Variants in PDXDC1 observed in about 807,000 individuals in gnomAD.
PDXDC1 encodes the protein pyridoxal-dependent decarboxylase domain-containing protein 1.
A neutral mutation model predicts 100.1 loss-of-function variants in PDXDC1; 42 were observed. The ratio of observed to expected loss-of-function variants is 0.42; its 90% CI spans 0.33 to 0.54. The LOEUF is 0.54. Among genes scored for constraint, PDXDC1 ranks in the 20% least tolerant of loss-of-function variants. The pLI, the probability that PDXDC1 is intolerant of heterozygous loss-of-function variation, is 0.10. For missense variants in PDXDC1, 636 were observed against 979.2 expected (o/e 0.65, Z 4.68); for synonymous variants, 260 against 371.7 (o/e 0.70, Z 3.46).
At chr16:15,035,240 T>G (rs2043338220) in intron 21 of PDXDC1, among the ~76,000 whole-genome samples, 1 of 152,220 alleles carries the variant, frequency 6.6e-6, no homozygotes, top group African/African-American at 2.4e-5. Context: ...GCTTACGCCA[T>G]ACTGCTGGCG....
At chr16:15,108,191 A>C (rs1366444987) in intron 16 of PDXDC1, 1 of 875,204 alleles carries the variant, frequency 1.1e-6, no homozygotes, top group African/African-American at 1.8e-5. Flanking sequence ...AGGGCAGAAA[A>C]AGGAAATGGC....
intron 1 of PDXDC1, among the ~76,000 whole-genome samples, chr16:14,983,352 C>T (rs1471568186): frequency 1.3e-5 from 2 of 152,242 alleles, no homozygotes; most frequent in Non-Finnish European, 2.9e-5. Context: ...GCGGGCAGAT[C>T]ATGAGGTCAG....
rs755906899 is a variant in PDXDC1, at chr16:15,094,224, G to A, written c.1400-44655G>A. The A allele has an allele frequency of 3.1e-6, 5 of 1,590,834 alleles. No individual in the cohort carries two copies. The Admixed American group carries it at 5.3e-5, about 17-fold the overall frequency. ...CCCGGCAAACGCGTGTGAAGCAGCG[G>A]TGCCGCCATTGGGCCGAACTAACGC... On this transcript the variant is annotated intron_variant, in intron 16 of 16. Transcript: ENST00000535621.
chr16:15,029,408 G>C (rs2042885026), intron 15 of PDXDC1: 1 of 416,784 alleles, frequency 2.4e-6, no homozygotes, highest in Non-Finnish European at 4.1e-6. Context: ...AACAGTGTGG[G>C]ATGGCGGCAG....
chr16:15,036,105 G>C lies in PDXDC1; in HGVS notation c.2197G>C (p.Glu733Gln), dbSNP rs147143881. ...TCACATTGAAGACTTAGAAAAGGTG[G>C]AGCGCCTATCCAGTGGGCCGGAGCA... ...VSHIEDLEKV[E>Q]RLSSGPEQIT... Residue 733 changes from glutamate (E) to glutamine (Q), a missense_variant, in exon 23 of 23, where the codon GAG becomes CAG. Physicochemically the swap from Glu to Gln is conservative, Grantham distance 29. Transcript: ENST00000396410. 109 of 1,614,112 alleles carry C rather than the reference G, an allele frequency of 6.8e-5. No individual in the cohort carries two copies. The African/African-American group carries it at 1.3e-3, about 19-fold the overall frequency.
intron 16 of PDXDC1, chr16:15,044,950 A>C (rs1009362674): frequency 6.6e-6 from 1 of 152,650 alleles, no homozygotes; most frequent in Middle Eastern, 3.4e-3. Flanking sequence ...GTAAAACTCC[A>C]TCTCTACTAA....
downstream of PDXDC1, among the ~76,000 whole-genome samples, chr16:15,142,041 A>G (rs2048483826): frequency 1.3e-5 from 2 of 152,192 alleles, no homozygotes; most frequent in African/African-American, 4.8e-5. Context: ...GAAGGGACAC[A>G]GCTGTGAAAC....
chr16:15,041,506 C>T, downstream of PDXDC1: 1 of 788,470 alleles, frequency 1.3e-6, no homozygotes, highest in Non-Finnish European at 2.3e-6. Context: ...AGAGCCGGAA[C>T]AGATGGTGGC....
At position 15,038,314 on chromosome 16, in the gene PDXDC1, A is replaced by G; in HGVS notation, c.*2039A>G. 1.2e-6 allele frequency: 1 copy of G among 821,474 alleles called. No homozygotes were observed. The highest frequency in any genetic ancestry group is 1.9e-5 in the South Asian group (1 of 52,002). The allele number at this position is 821,474 out of a possible 1,614,324, so 50.9% of individuals were successfully genotyped here. ...GTTCTTGGACACAAATATATATAAT[A>G]AAATACGTTAAGAAATGAGGTGGCC... is the stretch of plus-strand genomic sequence containing the variant. On this transcript the variant is annotated 3_prime_UTR_variant, in exon 23 of 23. Transcript: ENST00000396410.
intron 16 of PDXDC1, among the ~76,000 whole-genome samples, chr16:15,093,637 C>T (rs1161245272): frequency 3.3e-5 from 5 of 152,186 alleles, no homozygotes; most frequent in Admixed American, 3.3e-4. Context: ...AAAAACATAG[C>T]ATCCTAATGA....
chr16:15,051,541 C>T lies in PDXDC1; in HGVS notation c.1399+21485C>T, dbSNP rs539376446. Among the ~76,000 whole-genome samples, 37 of 151,854 alleles carry T rather than the reference C, an allele frequency of 2.4e-4. 1 individual carries two copies. The East Asian group carries it at 7.2e-3, about 30-fold the overall frequency. ...TTTGTACTGTTTGTAGAGATGGGGT[C>T]TCCCTGTGTTGCCCAGGCTGGTCTC... On this transcript the variant is annotated intron_variant, in intron 16 of 16. Coordinates refer to the PDXDC1 transcript ENST00000535621.
chr16:15,054,648 C>G (rs903151255), intron 16 of PDXDC1, among the ~76,000 whole-genome samples: 1 of 152,160 alleles, frequency 6.6e-6, no homozygotes, highest in Non-Finnish European at 1.5e-5. Flanking sequence ...GCCTTCTCCC[C>G]GTCAGTAAGT....
chr16:15,028,105 C>T (rs1236837075), intron 14 of PDXDC1, among the ~76,000 whole-genome samples: 2 of 152,404 alleles, frequency 1.3e-5, no homozygotes, highest in Admixed American at 1.3e-4. Context: ...ATGAGGCCTG[C>T]ACACTCTGCC....
At position 15,137,660 on chromosome 16, in the gene PDXDC1, C is replaced by T. The variant is rs564155573; in HGVS notation, c.1400-1219C>T. On this transcript the variant is annotated intron_variant, in intron 16 of 16. Transcript: ENST00000535621. Reference sequence around the variant, plus strand: ...GTTCCCTTGGCCCGGAGCCCCCCCCCAGAGAGGCCTTCCTGAGCCCTGCCC... The same window carrying T: ...GTTCCCTTGGCCCGGAGCCCCCCCCTAGAGAGGCCTTCCTGAGCCCTGCCC... 4.5e-5 allele frequency: 57 copies of T among 1,261,298 alleles called. No homozygotes were observed. In the Admixed American group the frequency reaches 4.7e-4, roughly 10 times the overall value. 78.1% of individuals were successfully genotyped at this position (1,261,298 alleles called of 1,614,324 possible). A position where few individuals can be genotyped will look rare whatever the true frequency, so the allele number is the denominator to read the frequency against.
chr16:15,124,357 T>C (rs908179071), intron 16 of PDXDC1, among the ~76,000 whole-genome samples: 1 of 152,186 alleles, frequency 6.6e-6, no homozygotes, highest in Non-Finnish European at 1.5e-5. Context: ...CTGCTTTAAA[T>C]CCCTTTACCA....
intron 16 of PDXDC1, chr16:15,130,398 G>A (rs766962889): frequency 3.9e-5 from 62 of 1,577,758 alleles, no homozygotes; most frequent in African/African-American, 2.4e-4. Context: ...CTCCAGCGCC[G>A]ACAGGCGGAA....
At chr16:15,130,050 C>A in intron 16 of PDXDC1, 1 of 1,345,254 alleles carries the variant, frequency 7.4e-7, no homozygotes, top group African/African-American at 1.4e-5. Flanking sequence ...GTCAGCATGA[C>A]GATGTAGTTT....
At chr16:15,067,944 G>C (rs896845943) in intron 16 of PDXDC1, among the ~76,000 whole-genome samples, 3 of 151,726 alleles carry the variant, frequency 2.0e-5, no homozygotes, top group African/African-American at 7.3e-5. Flanking sequence ...TTTTTTTGTA[G>C]AGATAGGGTC....
At chr16:15,040,398 G>A (rs1597754058), downstream of PDXDC1, 3 of 286,310 alleles carry the variant, frequency 1.0e-5, no homozygotes, top group East Asian at 2.0e-4. Context: ...GTGGCTGGGT[G>A]AACTGTGATC....
Sources: allele counts gnomAD v4.1 joint callset (sites outside exome capture counted in the v4.1 genomes callset), GRCh38; gene constraint gnomAD v4.1.1; transcripts MANE v1.5; gene names NCBI Gene and HGNC (gene_info 2026-07-23, HGNC 2026-07-21).